IRGM: variants seen among roughly 807,000 people sequenced by gnomAD.
The protein encoded by IRGM is immunity-related GTPase family M protein.
For synonymous variants in IRGM, 98 were observed against 80.6 expected, an observed-to-expected ratio of 1.22 and a Z score of -1.16; for missense variants, 288 against 219.9, an observed-to-expected ratio of 1.31 and a Z score of -1.96.
At chr5:150,884,764 G>A (rs374402704) in intron 3 of IRGM, among the ~76,000 whole-genome samples, 7 of 151,962 alleles carry the variant, frequency 4.6e-5, no homozygotes, top group South Asian at 2.1e-4. Context: ...TTTAAATGGG[G>A]TTGTTTTTCT....
Position 150,846,665 on chromosome 5 carries a change from G to C in IRGM, c.-971G>C, listed in dbSNP as rs1404601013. On this transcript the variant is annotated 5_prime_UTR_variant, in exon 1 of 2. An upstream open reading frame in the 5' UTR loses its in-frame stop. Transcript: ENST00000522154. ...CGTGAAGGTCTGCAGCATCACTCCT[G>C]AAACCTGTGAAACAACGAACCCCCC... is the stretch of plus-strand genomic sequence containing the variant. The C allele has an allele frequency of 1.5e-5, 2 of 137,504 alleles. No homozygotes were observed. The highest frequency in any genetic ancestry group is 6.3e-5 in the African/African-American group (2 of 31,784). The allele number at this position is 137,504 out of a possible 1,614,324, so 8.5% of individuals were successfully genotyped here.
At chr5:150,855,443 A>T (rs1364541421) in intron 1 of IRGM, among the ~76,000 whole-genome samples, 2 of 152,136 alleles carry the variant, frequency 1.3e-5, no homozygotes, top group African/African-American at 4.8e-5. Context: ...GAAATGATTA[A>T]TTTTTCTGTT....
rs574319032 is a variant in IRGM at position 150,893,343 on chromosome 5, A to T, written c.*141-7246A>T. Among the ~76,000 whole-genome samples the T allele has an allele frequency of 2.6e-5, 4 of 152,300 alleles. No homozygotes were observed. The South Asian group carries it at 8.3e-4, about 32-fold the overall frequency. ...ATTGCCTTAATTACCACTGTTTTATAAGAAGTCTAATAAGTTATCCAAATT... is the reference window on the plus strand; with the variant it reads ...ATTGCCTTAATTACCACTGTTTTATTAGAAGTCTAATAAGTTATCCAAATT... On this transcript the variant is annotated intron_variant and NMD_transcript_variant, in intron 3 of 3. Coordinates refer to the IRGM transcript ENST00000520549.
chr5:150,885,234 G>C (rs1218447914), intron 3 of IRGM, among the ~76,000 whole-genome samples: 1 of 152,040 alleles, frequency 6.6e-6, no homozygotes, highest in Non-Finnish European at 1.5e-5. Context: ...CAGGTGTGCA[G>C]CCTTATTTTG....
chr5:150,861,897 T>C (rs982734833), intron 1 of IRGM, among the ~76,000 whole-genome samples: 1 of 152,258 alleles, frequency 6.6e-6, no homozygotes, highest in African/African-American at 2.4e-5. Flanking sequence ...ATATGGATTA[T>C]TAACTATTGC....
In IRGM at chr5:150,888,541, T is replaced by C. The variant is rs115517023; in HGVS notation, c.*140+8895T>C. ...TTGCCACATGGTGCACACTCTAAAA[T>C]TGGCCACATAATTTGACATAAAACA... On this transcript the variant is annotated intron_variant and NMD_transcript_variant, in intron 3 of 3. Coordinates refer to the IRGM transcript ENST00000520549. 4.5e-3 allele frequency among the ~76,000 whole-genome samples: 685 copies of C among 152,096 alleles called. 4 individuals carry two copies. Among genetic ancestry groups the C allele is most frequent in the South Asian group, 0.037 (178 of 4,832 alleles).
chr5:150,861,705 C>T (rs1019504207), intron 1 of IRGM, among the ~76,000 whole-genome samples: 1 of 152,128 alleles, frequency 6.6e-6, no homozygotes, highest in African/African-American at 2.4e-5. Flanking sequence ...TGATGACATT[C>T]AGGACTTTGA....
intron 3 of IRGM, among the ~76,000 whole-genome samples, chr5:150,892,477 T>G (rs1034093936): frequency 1.3e-5 from 2 of 152,160 alleles, no homozygotes; most frequent in South Asian, 4.1e-4. Flanking sequence ...TGTGCAGTTT[T>G]GAGATCTTCT....
At chr5:150,859,452 A>G (rs1415248973) in intron 1 of IRGM, among the ~76,000 whole-genome samples, 2 of 152,228 alleles carry the variant, frequency 1.3e-5, no homozygotes, top group African/African-American at 2.4e-5. Flanking sequence ...AAAATGAGTT[A>G]GGGAGGATTC....
chr5:150,848,748 C>A, downstream of IRGM: 4 of 1,001,024 alleles, frequency 4.0e-6, no homozygotes, highest in Non-Finnish European at 5.8e-6. Context: ...CATTGAAACA[C>A]ACCTGGTGCA....
chr5:150,886,077 T>C (rs11167520), intron 3 of IRGM, among the ~76,000 whole-genome samples: 31,809 of 152,050 alleles, frequency 0.21, 5,376 homozygotes, highest in African/African-American at 0.45. Context: ...GGTATGTTTC[T>C]TCAATATCTA....
At chr5:150,869,533 G>A (rs1224781049) in intron 1 of IRGM, among the ~76,000 whole-genome samples, 1 of 152,028 alleles carries the variant, frequency 6.6e-6, no homozygotes, top group Admixed American at 6.6e-5. Flanking sequence ...CCTATCTTTT[G>A]GAATAGTTTC....
downstream of IRGM, among the ~76,000 whole-genome samples, chr5:150,848,889 C>T (rs58311717): frequency 9.2e-5 from 14 of 152,000 alleles, no homozygotes; most frequent in Non-Finnish European, 1.5e-4. Flanking sequence ...CTTCACGGAA[C>T]TCTCCACCAG....
Position 150,848,165 on chromosome 5 carries a change from C to T in IRGM, c.42C>T (p.Asn14=), listed in dbSNP as rs1235707018. 2.6e-6 allele frequency: 4 copies of T among 1,550,678 alleles called. No individual in the cohort carries two copies. The highest frequency in any genetic ancestry group is 3.5e-6 in the Non-Finnish European group (4 of 1,146,296). The stretch of plus-strand genomic sequence containing the variant: ...TTGAGAAAGCCTCAGCAGATGGGAA[C>T]TTGCCAGAGGTGATCTCTAACATCA... ...MNVEKASADG[N]LPEVISNIKE... is the part of the protein sequence containing the mutation. The change falls in exon 2 of 2, where the codon AAC becomes AAT. Residue 14 remains asparagine, a synonymous_variant. Transcript: ENST00000522154.
intron 1 of IRGM, among the ~76,000 whole-genome samples, chr5:150,876,764 C>G (rs1754370314): frequency 6.6e-6 from 1 of 152,168 alleles, no homozygotes; most frequent in Non-Finnish European, 1.5e-5. Context: ...TGCTGAGGTG[C>G]TTGCTGAAGT....
At chr5:150,896,351 T>C (rs1281850083) in intron 3 of IRGM, 1 of 1,613,618 alleles carries the variant, frequency 6.2e-7, no homozygotes, top group East Asian at 2.2e-5. Context: ...CACAATCATA[T>C]GGTTTCTTTC....
At chr5:150,887,260 G>A (rs534905131) in intron 3 of IRGM, among the ~76,000 whole-genome samples, 3 of 152,076 alleles carry the variant, frequency 2.0e-5, no homozygotes, top group Admixed American at 6.6e-5. Flanking sequence ...GGATCTGACA[G>A]AGCTGAATAA....
At chr5:150,849,165 G>A (rs1753935607), downstream of IRGM, among the ~76,000 whole-genome samples, 1 of 150,094 alleles carries the variant, frequency 6.7e-6, no homozygotes, top group East Asian at 2.0e-4. Flanking sequence ...AGACTTCTGG[G>A]CTTAAAAACA....
intron 1 of IRGM, among the ~76,000 whole-genome samples, chr5:150,867,510 T>G (rs1336842032): frequency 1.3e-5 from 2 of 152,212 alleles, no homozygotes; most frequent in South Asian, 2.1e-4. Flanking sequence ...GTAGGTTTAT[T>G]GGATCAAATG....
Sources: gnomAD v4.1 joint callset for allele counts (sites outside exome capture counted in the v4.1 genomes callset) on GRCh38, gnomAD v4.1.1 for gene constraint, MANE v1.5 for transcripts, NCBI Gene and HGNC (gene_info 2026-07-23, HGNC 2026-07-21) for gene names.